Variants in LVRN observed in about 807,000 individuals in gnomAD.
The protein encoded by LVRN is laeverin, also known as aminopeptidase Q.
LVRN carries 99 observed loss-of-function variants against 111.4 expected under a neutral mutation model. The observed-to-expected ratio is 0.89, with a 90% CI of 0.76 to 1.05. The LOEUF (loss-of-function observed/expected upper bound fraction) is 1.05. Ranked by LOEUF, LVRN falls within the 50% of genes least tolerant of loss-of-function variation. The probability of loss-of-function intolerance (pLI) is 0.00; values close to 1 mark genes in which losing one functional copy is unlikely to be tolerated. For synonymous variants in LVRN, 488 were observed against 449.5 expected, an observed-to-expected ratio of 1.09 and a Z score of -1.08; for missense variants, 1,414 against 1,206.8, an observed-to-expected ratio of 1.17 and a Z score of -2.54.
intron 6 of LVRN, among the ~76,000 whole-genome samples, chr5:115,998,625 T>C (rs923000976): frequency 6.6e-6 from 1 of 152,146 alleles, no homozygotes. Context: ...CTGAGTAGGA[T>C]CAGACCTATG....
chr5:116,017,104 G>A (rs1226624829), intron 18 of LVRN, among the ~76,000 whole-genome samples: 4 of 152,294 alleles, frequency 2.6e-5, no homozygotes, highest in Non-Finnish European at 5.9e-5. Context: ...ATGTGCATGT[G>A]ATTTGAACAA....
At chr5:115,993,955 A>G (rs1748051630) in intron 6 of LVRN, 101 bp downstream of exon 6, 1 of 637,650 alleles carries the variant, frequency 1.6e-6, no homozygotes, top group African/African-American at 1.9e-5. Flanking sequence ...AATACAAGAA[A>G]TAATAAATTA....
At chr5:115,964,672 T>C (rs971351542) in intron 1 of LVRN, among the ~76,000 whole-genome samples, 6 of 152,112 alleles carry the variant, frequency 3.9e-5, no homozygotes, top group Non-Finnish European at 7.4e-5. Flanking sequence ...CCTGTTTCAG[T>C]GGGGCTGTGG....
chr5:116,019,740 G>A (rs932630193), intron 18 of LVRN, among the ~76,000 whole-genome samples: 1 of 152,168 alleles, frequency 6.6e-6, no homozygotes, highest in East Asian at 1.9e-4. Context: ...CCCATAAGGT[G>A]GTATCTTGCT....
intron 3 of LVRN, among the ~76,000 whole-genome samples, chr5:115,986,963 C>G (rs1747883430): frequency 6.6e-6 from 1 of 152,040 alleles, no homozygotes; most frequent in Non-Finnish European, 1.5e-5. Context: ...TGGTAACTTT[C>G]ATTCCAAGAT....
intron 1 of LVRN, among the ~76,000 whole-genome samples, chr5:115,971,207 G>GTT (rs1753317781): frequency 6.6e-6 from 1 of 152,100 alleles, no homozygotes; most frequent in South Asian, 2.1e-4. Flanking sequence ...TGGGCTGTTT[G>GTT]TTTTCCTATT....
chr5:115,974,913 A>C (rs1298976509), intron 1 of LVRN: 2 of 476,772 alleles, frequency 4.2e-6, no homozygotes, highest in African/African-American at 4.0e-5. Context: ...GACTCTACTG[A>C]TATATTTCCA....
chr5:116,014,958 C>T (rs1231823188), intron 16 of LVRN, among the ~76,000 whole-genome samples: 1 of 152,034 alleles, frequency 6.6e-6, no homozygotes, highest in Non-Finnish European at 1.5e-5. Context: ...TATAGCACCT[C>T]GGATGGACTC....
At chr5:115,994,226 A>G (rs1201277588) in intron 6 of LVRN, among the ~76,000 whole-genome samples, 2 of 152,060 alleles carry the variant, frequency 1.3e-5, no homozygotes. Context: ...TACTACATAT[A>G]TTTCTTAGTC....
intron 1 of LVRN, among the ~76,000 whole-genome samples, chr5:115,967,883 A>G (rs181543385): frequency 1.3e-5 from 2 of 152,312 alleles, no homozygotes; most frequent in East Asian, 3.9e-4. Flanking sequence ...TTGGTTTTCT[A>G]CATGTCTGTT....
At chr5:116,012,496 G>T in intron 15 of LVRN, 28 bp downstream of exon 15, 1 of 1,322,090 alleles carries the variant, frequency 7.6e-7, no homozygotes, top group Non-Finnish European at 1.0e-6. Flanking sequence ...AGTGATAATT[G>T]AATAAAATGC....
chr5:116,001,050 G>A lies in LVRN; in HGVS notation c.1648-17G>A, dbSNP rs1748226396. The A allele has an allele frequency of 1.3e-6, 2 of 1,574,870 alleles. No individual in the cohort carries two copies. Among genetic ancestry groups the A allele is most frequent in the East Asian group, 2.3e-5 (1 of 44,438 alleles). On this transcript the variant is annotated splice_polypyrimidine_tract_variant and intron_variant, in intron 9 of 19. Coordinates refer to ENST00000357872, the MANE Select transcript of LVRN (RefSeq NM_173800.5). Reference sequence around the variant, plus strand: ...ACGGATAACCTTACCTGCCTTTGTGGTGATTTTTTAAAACAGGCCATAGAT... The same window carrying A: ...ACGGATAACCTTACCTGCCTTTGTGATGATTTTTTAAAACAGGCCATAGAT...
chr5:115,992,430 C>T (rs1197580611), intron 5 of LVRN, 153 bp downstream of exon 5: 1 of 424,760 alleles, frequency 2.4e-6, no homozygotes, highest in African/African-American at 2.2e-5. Flanking sequence ...ATGGGGAAGA[C>T]TCAGATTCAG....
chr5:115,976,080 C>T (rs11750337), intron 1 of LVRN: 7,809 of 152,682 alleles, frequency 0.051, 218 homozygotes, highest in Non-Finnish European at 0.056. Flanking sequence ...TTCTTCAATC[C>T]GAAACAGAGC....
At chr5:115,979,280 A>G (rs1200473368) in intron 1 of LVRN, among the ~76,000 whole-genome samples, 3 of 152,058 alleles carry the variant, frequency 2.0e-5, no homozygotes, top group African/African-American at 4.8e-5. Context: ...CATACCATCA[A>G]TTTCATCTTT....
rs761225320 is a variant in LVRN at position 116,003,305 on chromosome 5, G to A, written c.1962G>A (p.Met654Ile). 6.4e-7 allele frequency: 1 copy of A among 1,565,486 alleles called. No homozygotes were observed. The highest frequency in any genetic ancestry group is 8.7e-7 in the Non-Finnish European group (1 of 1,147,926). The change falls in exon 12 of 20, where the codon ATG (methionine) becomes ATA (isoleucine). Residue 654 changes from methionine to isoleucine, a missense_variant. Physicochemically the swap from Met to Ile is conservative, Grantham distance 10. Transcript: ENST00000357872. ...ACTGGGTGATTTTGAATTTGAATAT[G>A]ACTGGATATTATAGAGTTAATTATG... The part of the protein sequence containing the change: ...DHDWVILNLN[M>I]TGYYRVNYDK...
intron 6 of LVRN, among the ~76,000 whole-genome samples, chr5:115,999,180 A>G (rs1004670586): frequency 1.3e-5 from 2 of 152,194 alleles, no homozygotes; most frequent in African/African-American, 2.4e-5. Context: ...TGCCCTTATC[A>G]TGTGTCTGAG....
At chr5:115,996,787 G>A (rs749852690) in intron 6 of LVRN, among the ~76,000 whole-genome samples, 1 of 152,084 alleles carries the variant, frequency 6.6e-6, no homozygotes, top group Non-Finnish European at 1.5e-5. Flanking sequence ...TTGGTGAAGG[G>A]AAAAGGTACA....
At chr5:116,021,317 G>A (rs1748723097) in intron 18 of LVRN, 2 of 152,264 alleles carry the variant, frequency 1.3e-5, no homozygotes, top group Non-Finnish European at 2.9e-5. Context: ...TATTTTTAAG[G>A]TTGGAATTTG....
Sources: gnomAD v4.1 joint callset for allele counts (sites outside exome capture counted in the v4.1 genomes callset) on GRCh38, gnomAD v4.1.1 for gene constraint, MANE v1.5 for transcripts, NCBI Gene and HGNC (gene_info 2026-07-23, HGNC 2026-07-21) for gene names.